The following CEP164 variants were observed in gnomAD, a reference collection of about 807,000 sequenced individuals.
The protein encoded by CEP164 is centrosomal protein 164.
Under a neutral mutation model 182.7 loss-of-function variants are expected in CEP164, and 162 were observed. The ratio of observed to expected loss-of-function variants is 0.89; its 90% CI spans 0.78 to 1.01. The LOEUF is 1.01. Among genes scored for constraint, CEP164 ranks in the 50% least tolerant of loss-of-function variants. The pLI, the probability that CEP164 is intolerant of heterozygous loss-of-function variation, is 0.00. For synonymous variants in CEP164, 661 were observed against 690.0 expected (o/e 0.96, Z 0.66); for missense variants, 1,735 against 1,790.4 (o/e 0.97, Z 0.56).
At chr11:117,395,514 T>C in intron 23 of CEP164, 33 bp from the exon 24 acceptor site, 1 of 1,585,954 alleles carries the variant, frequency 6.3e-7, no homozygotes, top group Non-Finnish European at 8.6e-7. Flanking sequence ...CTGTGCTGTC[T>C]CTGGGTGCTT....
upstream of CEP164, among the ~76,000 whole-genome samples, chr11:117,323,328 T>C (rs1262530716): frequency 6.6e-6 from 1 of 152,076 alleles, no homozygotes; most frequent in Non-Finnish European, 1.5e-5. Flanking sequence ...TAATTCCACA[T>C]GACTGAGATC....
At position 117,383,013 on chromosome 11, in the gene CEP164, T is replaced by C. The variant is rs79508779; in HGVS notation, c.1724+71T>C. On this transcript the variant is annotated intron_variant, in intron 14 of 32. Coordinates refer to ENST00000278935, the MANE Select transcript of CEP164 (RefSeq NM_014956.5). ...GGGCTGCTTCAGTGCCTATTCACTC[T>C]TGGGTGGTGGGAGGTGGGGCTCAGG... 1.3e-3 allele frequency: 1,953 copies of C among 1,531,668 alleles called. 24 individuals carry two copies. In the African/African-American group the frequency reaches 0.021, roughly 17 times the overall value. The allele number at this position is 1,531,668 out of a possible 1,614,324, so 94.9% of individuals were successfully genotyped here.
At chr11:117,407,778 C>T (rs552965465) in intron 27 of CEP164, 147 bp from the exon 28 acceptor site, 2 of 569,874 alleles carry the variant, frequency 3.5e-6, no homozygotes, top group African/African-American at 3.8e-5. Context: ...ATTCTTACGA[C>T]CCTGTGAAAA....
At position 117,390,923 on chromosome 11, in the gene CEP164, A is replaced by ACCTGTGAGCTGCCCAGC; in HGVS notation, c.2066+20_2066+36dup. 6.2e-7 allele frequency: 1 copy of ACCTGTGAGCTGCCCAGC among 1,613,806 alleles called. No individual in the cohort carries two copies. Among genetic ancestry groups the ACCTGTGAGCTGCCCAGC allele is most frequent in the Non-Finnish European group, 8.5e-7 (1 of 1,179,912 alleles). ...GACCAAATCAGGTAAGTGTGTGCTT[A>ACCTGTGAGCTGCCCAGC]CCTGTGAGCTGCCCAGCCCTGCGGA... is the stretch of plus-strand genomic sequence containing the variant. On this transcript the variant is annotated intron_variant, in intron 16 of 32. Transcript: ENST00000278935.
chr11:117,381,015 G>A (rs2043259816), intron 12 of CEP164, among the ~76,000 whole-genome samples: 1 of 152,200 alleles, frequency 6.6e-6, no homozygotes, highest in African/African-American at 2.4e-5. Flanking sequence ...GTGGGGCCAG[G>A]GCTGATGAAG....
rs375951540 is a variant in CEP164, at chr11:117,351,976, C to A, written c.381C>A (p.Pro127=). The change falls in exon 5 of 33, where the codon CCC becomes CCA. Residue 127 remains proline (P), a synonymous_variant. Transcript: ENST00000278935. The part of the protein sequence containing the change: ...EKKDKKDRDP[P]KSSLALGSSL... ...AAGACAAGAAGGACAGAGACCCCCC[C>A]AAAAGTTCGCTGGTGAGTCAGTGGA... is the stretch of plus-strand genomic sequence containing the variant. 9.9e-5 allele frequency: 156 copies of A among 1,578,506 alleles called. No homozygotes were observed. Among genetic ancestry groups the A allele is most frequent in the South Asian group, 7.3e-4 (64 of 87,250 alleles).
intron 5 of CEP164, among the ~76,000 whole-genome samples, chr11:117,354,375 T>C (rs1040201770): frequency 2.6e-5 from 4 of 152,184 alleles, no homozygotes; most frequent in Non-Finnish European, 4.4e-5. Context: ...CTGGATAGTA[T>C]CTTAGGGATA....
chr11:117,350,537 G>T (rs2039495263), intron 4 of CEP164, among the ~76,000 whole-genome samples: 1 of 152,084 alleles, frequency 6.6e-6, no homozygotes. Flanking sequence ...GTGCTTATGG[G>T]TCATTTGCAT....
intron 1 of CEP164, among the ~76,000 whole-genome samples, chr11:117,335,341 G>C (rs1427145843): frequency 1.3e-5 from 2 of 152,102 alleles, no homozygotes; most frequent in Non-Finnish European, 2.9e-5. Context: ...GGCATGGTGG[G>C]AATGAGGGGC....
In CEP164 at chr11:117,403,966, C is replaced by A. The variant is rs531531931; in HGVS notation, c.3502-3959C>A. Among the ~76,000 whole-genome samples, 6 of 151,982 alleles carry A rather than the reference C, an allele frequency of 3.9e-5. No homozygotes were observed. In the East Asian group the frequency reaches 1.2e-3, roughly 30 times the overall value. ...ATGCAGCTATTTATACTTGTATATG[C>A]TTCACAAAGTTCTCGTGCTTGTTTT... On this transcript the variant is annotated intron_variant, in intron 27 of 32. Coordinates refer to ENST00000278935, the MANE Select transcript of CEP164 (RefSeq NM_014956.5).
intron 20 of CEP164, 59 bp downstream of exon 20, chr11:117,393,185 A>ATGCACACACACATGCACGCACC: frequency 6.3e-7 from 1 of 1,581,142 alleles, no homozygotes. Flanking sequence ...ATGCACGCAC[A>ATGCACACACACATGCACGCACC]TGCACACACA....
At chr11:117,327,207 C>T (rs1427803112), upstream of CEP164, among the ~76,000 whole-genome samples, 2 of 152,142 alleles carry the variant, frequency 1.3e-5, no homozygotes, top group Non-Finnish European at 2.9e-5. Flanking sequence ...TTAATAGGAG[C>T]ACAGGAGAGC....
intron 5 of CEP164, chr11:117,355,622 T>C: frequency 3.3e-6 from 4 of 1,197,954 alleles, no homozygotes; most frequent in Non-Finnish European, 3.2e-6. Context: ...CAAGTTGTTG[T>C]TAGATAGCAG....
intron 12 of CEP164, 120 bp from the exon 13 acceptor site, chr11:117,381,581 G>A: frequency 8.4e-7 from 1 of 1,190,176 alleles, no homozygotes; most frequent in Non-Finnish European, 1.2e-6. Flanking sequence ...ATGTGGGGGT[G>A]GGGCTGGAGC....
Position 117,381,782 on chromosome 11 carries a change from C to T in CEP164, c.1491C>T (p.Gly497=), listed in dbSNP as rs762218626. ...CCACTGAAGAAGAGCCTCCCCAGGG[C>T]CCCGAGGGGCAGCCCGAGTGGAAGG... The part of the protein sequence containing the change: ...SLATEEEPPQ[G]PEGQPEWKEA... The change falls in exon 13 of 33, where the codon GGC becomes GGT. Residue 497 remains glycine (G), a synonymous_variant. Transcript: ENST00000278935. 5 of 1,591,572 alleles carry T rather than the reference C, an allele frequency of 3.1e-6. No individual in the cohort carries two copies. Among genetic ancestry groups the T allele is most frequent in the Middle Eastern group, 1.7e-4 (1 of 5,954 alleles).
rs1256710112 is a variant in CEP164, at chr11:117,363,509, A to T, written c.765+3A>T. The stretch of plus-strand genomic sequence containing the variant: ...TGGGGGGTGACTTTGAGTATGAGGT[A>T]AGAGCCCTAATCCCTACAGGCACAT... On this transcript the variant is annotated splice_donor_region_variant and intron_variant, in intron 8 of 32. Transcript: ENST00000278935. 9 of 1,608,488 alleles carry T rather than the reference A, an allele frequency of 5.6e-6. No individual in the cohort carries two copies. The Admixed American group carries it at 6.7e-5, about 12-fold the overall frequency.
Position 117,409,721 on chromosome 11 carries a change from C to T in CEP164, c.3852C>T (p.Ser1284=). The stretch of plus-strand genomic sequence containing the variant: ...GCAGTGTCCTCAGCATCCTGGACAG[C>T]CTCAACCCTCAGTCGCCGCCGCCGC... ...QLSSVLSILD[S]LNPQSPPPLL... Residue 1284 remains serine, a synonymous_variant, in exon 30 of 33, where the codon AGC becomes AGT. Coordinates refer to ENST00000278935, the MANE Select transcript of CEP164 (RefSeq NM_014956.5). The surrounding 1 kb of genome is among the most constrained non-coding windows in gnomAD (Gnocchi z 4.4). The T allele has an allele frequency of 6.2e-7, 1 of 1,614,168 alleles. No individual in the cohort carries two copies. Among genetic ancestry groups the T allele is most frequent in the Non-Finnish European group, 8.5e-7 (1 of 1,180,010 alleles).
chr11:117,338,351 C>T (rs1281887589), intron 2 of CEP164, among the ~76,000 whole-genome samples: 2 of 152,210 alleles, frequency 1.3e-5, no homozygotes, highest in East Asian at 3.8e-4. Context: ...ACCAGGTGTT[C>T]ATCAAGCCTT....
chr11:117,411,603 C>G lies in CEP164; in HGVS notation c.4164-192C>G. 1 of 698,064 alleles carries G rather than the reference C, an allele frequency of 1.4e-6. No individual in the cohort carries two copies. The highest frequency in any genetic ancestry group is 1.9e-5 in the South Asian group (1 of 52,900). 43.2% of individuals were successfully genotyped at this position (698,064 alleles called of 1,614,324 possible). A position where few individuals can be genotyped will look rare whatever the true frequency, so the allele number is the denominator to read the frequency against. ...CCAGCAAGGGGGCAGAGGGCCTCCA[C>G]CACTTTCCCGTTTGGGAACTGTTCT... is the stretch of plus-strand genomic sequence containing the variant. On this transcript the variant is annotated intron_variant, in intron 31 of 32. Transcript: ENST00000278935. The surrounding 1 kb of genome is among the most constrained non-coding windows in gnomAD (Gnocchi z 4.4).
Sources: allele counts gnomAD v4.1 joint callset (sites outside exome capture counted in the v4.1 genomes callset), GRCh38; gene constraint gnomAD v4.1.1; non-coding constraint Gnocchi (gnomAD v3.1); transcripts MANE v1.5; gene names NCBI Gene and HGNC (gene_info 2026-07-23, HGNC 2026-07-21).